The following ZNF559 variants were observed in gnomAD, a reference collection of about 807,000 sequenced individuals.
ZNF559 encodes the protein zinc finger protein 559.
Under a neutral mutation model 14.2 loss-of-function variants are expected in ZNF559, and 17 were observed. The ratio of observed to expected loss-of-function variants is 1.20; its 90% confidence interval spans 0.82 to 1.80. The LOEUF (loss-of-function observed/expected upper bound fraction) is 1.80. Among genes scored for constraint, ZNF559 ranks in the 40% most tolerant of loss-of-function variants. ZNF559 has a pLI of 0.00. For synonymous variants in ZNF559, 244 were observed against 212.4 expected (o/e 1.15, Z -1.29); for missense variants, 740 against 629.7 (o/e 1.18, Z -1.88).
At chr19:9,324,163 G>T (rs769074399), upstream of ZNF559, 11 of 1,535,964 alleles carry the variant, frequency 7.2e-6, no homozygotes, top group Non-Finnish European at 9.6e-6. Flanking sequence ...CGTGCGCGGC[G>T]TGTCTGCGTG....
chr19:9,338,009 C>T, intron 3 of ZNF559, 151 bp downstream of exon 3: 1 of 1,536,040 alleles, frequency 6.5e-7, no homozygotes, highest in Non-Finnish European at 8.7e-7. Context: ...ATTGGTCTTT[C>T]CCTTTGTGGT....
Position 9,324,298 on chromosome 19 carries a change from A to G in ZNF559, c.-206+70A>G, listed in dbSNP as rs1387061028. 3.3e-6 allele frequency: 5 copies of G among 1,535,600 alleles called. No homozygotes were observed. The African/African-American group carries it at 6.8e-5, about 21-fold the overall frequency. ...GCCACGCGAGAGTAGAAGGGTGGAA[A>G]GGGGAGGTGCCCAGTGAAATGGAGC... On this transcript the variant is annotated intron_variant, in intron 1 of 6. Transcript: ENST00000603380.
At position 9,344,617 on chromosome 19, in the gene ZNF559, C is replaced by G. The variant is rs1020638275; in HGVS notation, c.*1549C>G. 1 of 151,690 alleles carries G rather than the reference C, an allele frequency of 6.6e-6. No individual in the cohort carries two copies. The highest frequency in any genetic ancestry group is 2.4e-5 in the African/African-American group (1 of 41,214). The allele number at this position is 151,690 out of a possible 1,614,324, so 9.4% of individuals were successfully genotyped here. A position where few individuals can be genotyped will look rare whatever the true frequency, so the allele number is the denominator to read the frequency against. ...TGAGCCCTGATCGTGCCACTACACT[C>G]TAGCCTGGGCAACAGGATGAGACCC... On this transcript the variant is annotated 3_prime_UTR_variant, in exon 7 of 7. Coordinates refer to ENST00000603380, the MANE Select transcript of ZNF559 (RefSeq NM_032497.3).
At chr19:9,336,995 GATGA>G (rs1366693718) in intron 2 of ZNF559, among the ~76,000 whole-genome samples, 2 of 152,174 alleles carry the variant, frequency 1.3e-5, no homozygotes, top group Non-Finnish European at 2.9e-5. Context: ...AAAGGGAAAA[GATGA>G]ATGAAGTCTA....
intron 4 of ZNF559, 100 bp from the exon 5 acceptor site, chr19:9,339,093 A>G (rs1447156904): frequency 4.5e-6 from 7 of 1,542,008 alleles, no homozygotes; most frequent in Admixed American, 1.7e-5. Context: ...TAGGAGACCA[A>G]AGAGTCTTGT....
intron 6 of ZNF559, 92 bp downstream of exon 6, chr19:9,341,276 C>T: frequency 2.4e-6 from 3 of 1,244,656 alleles, no homozygotes; most frequent in Non-Finnish European, 3.5e-6. Flanking sequence ...AACCTTGAGA[C>T]ATTTGAGACT....
In ZNF559 at chr19:9,341,118, T is replaced by C; in HGVS notation, c.177T>C (p.Ile59=). 1 of 1,611,720 alleles carries C rather than the reference T, an allele frequency of 6.2e-7. No homozygotes were observed. Among genetic ancestry groups the C allele is most frequent in the East Asian group, 2.2e-5 (1 of 44,862 alleles). Residue 59 remains isoleucine (I), a synonymous_variant, in exon 6 of 7, where the codon ATT becomes ATC. Transcript: ENST00000603380. ...TTATTTCAGATTGGGAGAGTCATAT[T>C]AATACCAAATGGTCAGCACCTCAGC... is the stretch of plus-strand genomic sequence containing the variant. The part of the protein sequence containing the change: ...NLVAVDWESH[I]NTKWSAPQQN...
chr19:9,337,793 CAG>C lies in ZNF559; in HGVS notation c.-116_-115del, dbSNP rs1316256271. The C allele has an allele frequency of 4.0e-5, 58 of 1,437,528 alleles. No homozygotes were observed. In the South Asian group the frequency reaches 8.0e-4, roughly 20 times the overall value. The allele number at this position is 1,437,528 out of a possible 1,614,324, so 89.0% of individuals were successfully genotyped here. Reference sequence around the variant, plus strand: ...CTCACATGAACAACTTCATCTTCTGCAGAGAGATGGCTAATGAATGGCGCTTG... The same window carrying C: ...CTCACATGAACAACTTCATCTTCTGCAGAGATGGCTAATGAATGGCGCTTG... On this transcript the variant is annotated splice_acceptor_variant, in intron 2 of 6. Coordinates refer to ENST00000603380, the MANE Select transcript of ZNF559 (RefSeq NM_032497.3). LOFTEE classifies it low-confidence loss of function (5UTR_SPLICE).
intron 6 of ZNF559, 163 bp downstream of exon 6, chr19:9,341,347 A>G: frequency 1.4e-6 from 1 of 740,680 alleles, no homozygotes; most frequent in East Asian, 2.7e-5. Flanking sequence ...GAGTTTGACA[A>G]ACACTCTAAA....
intron 5 of ZNF559, among the ~76,000 whole-genome samples, chr19:9,340,139 A>C (rs985948209): frequency 6.6e-6 from 1 of 151,952 alleles, no homozygotes; most frequent in Non-Finnish European, 1.5e-5. Flanking sequence ...GGTACTAGCT[A>C]TGCAAACATA....
chr19:9,341,180 A>T lies in ZNF559; in HGVS notation c.239A>T (p.Glu80Val). 6.2e-7 allele frequency: 1 copy of T among 1,613,816 alleles called. No homozygotes were observed. Among genetic ancestry groups the T allele is most frequent in the South Asian group, 1.1e-5 (1 of 91,046 alleles). Residue 80 changes from glutamate to valine, a missense_variant, in exon 6 of 7, where the codon GAA (glutamate) becomes GTA (valine). Transcript: ENST00000603380. Reference sequence around the variant, plus strand: ...CAGGGGAAAACATCCAGTGTGGTGGAAATGGTAAGATTCAGAAGGTATAAT... The same window carrying T: ...CAGGGGAAAACATCCAGTGTGGTGGTAATGGTAAGATTCAGAAGGTATAAT... ...FLQGKTSSVV[E>V]MERNHFGEEL... is the part of the protein sequence containing the mutation.
rs537798156 is a variant in ZNF559 at position 9,326,180 on chromosome 19, G to A, written c.-120+1400G>A. On this transcript the variant is annotated intron_variant, in intron 2 of 6. Transcript: ENST00000603380. ...GCTGGAGTGCAGTGGTGTGATCTCA[G>A]CTCACTGCAACCTCTGCCTCCTGCG... Among the ~76,000 whole-genome samples the A allele has an allele frequency of 3.9e-5, 5 of 128,456 alleles. 1 individual carries two copies. In the East Asian group the frequency reaches 1.3e-3, roughly 32 times the overall value. The allele number at this position is 128,456 out of a possible 152,430, so 84.3% of individuals were successfully genotyped here. A position where few individuals can be genotyped will look rare whatever the true frequency, so the allele number is the denominator to read the frequency against.
At chr19:9,324,154 G>T (rs2066429831), upstream of ZNF559, 5 of 1,535,988 alleles carry the variant, frequency 3.3e-6, no homozygotes, top group East Asian at 1.2e-4. Context: ...GCCTTTGCGC[G>T]TGCGCGGCGT....
In ZNF559 at chr19:9,344,826, T is replaced by A. The variant is rs1261735799; in HGVS notation, c.*1758T>A. ...TGTTGCTGAGAATCTTTGGTTTGAA[T>A]TATTGAGGCAGGTTCTTTCAGTAAG... On this transcript the variant is annotated 3_prime_UTR_variant, in exon 7 of 7. Coordinates refer to ENST00000603380, the MANE Select transcript of ZNF559 (RefSeq NM_032497.3). 2 of 152,240 alleles carry A rather than the reference T, an allele frequency of 1.3e-5. No homozygotes were observed. Among genetic ancestry groups the A allele is most frequent in the African/African-American group, 4.8e-5 (2 of 41,464 alleles). 9.4% of individuals were successfully genotyped at this position (152,240 alleles called of 1,614,324 possible).
At chr19:9,323,899 C>A (rs1599264252), upstream of ZNF559, 1 of 534,542 alleles carries the variant, frequency 1.9e-6, no homozygotes, top group Middle Eastern at 5.0e-4. Flanking sequence ...AGTATGCTTT[C>A]GTTTTCAACA....
At chr19:9,335,135 C>CA (rs59300029) in intron 2 of ZNF559, among the ~76,000 whole-genome samples, 1,895 of 124,540 alleles carry the variant, frequency 0.015, 17 homozygotes, top group South Asian at 0.018. Context: ...GACTCTGTCT[C>CA]AAAAAAAAAA....
rs533440974 is a variant in ZNF559 at position 9,324,201 on chromosome 19, TAAC to T, written c.-231_-229del. On this transcript the variant is annotated 5_prime_UTR_variant, in exon 1 of 7. Transcript: ENST00000603380. ...CGCATGCGCATAACGGCCGCCATCTTAACAGCGCGTTCCCGTTGGCGTCTGAGG... is the reference window on the plus strand; with the variant it reads ...CGCATGCGCATAACGGCCGCCATCTTAGCGCGTTCCCGTTGGCGTCTGAGG... The T allele has an allele frequency of 6.9e-4, 1,067 of 1,536,092 alleles. 3 individuals carry two copies. Among genetic ancestry groups the T allele is most frequent in the African/African-American group, 5.5e-3 (399 of 73,170 alleles).
Position 9,327,804 on chromosome 19 carries a change from A to T in ZNF559, c.-120+3024A>T, listed in dbSNP as rs150369952. Among the ~76,000 whole-genome samples, 48 of 151,992 alleles carry T rather than the reference A, an allele frequency of 3.2e-4. 1 individual carries two copies. The East Asian group carries it at 8.7e-3, about 28-fold the overall frequency. On this transcript the variant is annotated intron_variant, in intron 2 of 6. Coordinates refer to ENST00000603380, the MANE Select transcript of ZNF559 (RefSeq NM_032497.3). ...TAATCAATTCCTGTCATTCGTATTG[A>T]TGCTCAAACTGTCCCAATTTTGACC...
upstream of ZNF559, chr19:9,324,107 C>G (rs1435243188): frequency 1.3e-6 from 2 of 1,510,492 alleles, no homozygotes; most frequent in African/African-American, 2.8e-5. Flanking sequence ...AGCTGATGGG[C>G]CCGGGAACCC....
Sources: allele counts gnomAD v4.1 joint callset (sites outside exome capture counted in the v4.1 genomes callset), GRCh38; gene constraint gnomAD v4.1.1; transcripts MANE v1.5; gene names NCBI Gene and HGNC (gene_info 2026-07-23, HGNC 2026-07-21).